AGAP1: variants seen among roughly 807,000 people sequenced by gnomAD.
AGAP1 encodes the protein ArfGAP with GTPase domain, ankyrin repeat and PH domain 1, also known as arf-GAP with GTPase, ANK repeat and PH domain-containing protein 1.
In AGAP1, 29 loss-of-function variants were observed where a neutral mutation model predicts 105.3. That is an observed-to-expected ratio of 0.28 (90% CI 0.21 to 0.38). The LOEUF is 0.38. Ranked by LOEUF, AGAP1 falls within the 10% of genes least tolerant of loss-of-function variation. The probability of loss-of-function intolerance (pLI) is 1.00; values close to 1 mark genes in which losing one functional copy is unlikely to be tolerated. For missense variants in AGAP1, 998 were observed against 1,165.1 expected, an observed-to-expected ratio of 0.86 and a Z score of 2.09; for synonymous variants, 509 against 485.9, an observed-to-expected ratio of 1.05 and a Z score of -0.63.
chr2:236,125,155 C>A lies in AGAP1; in HGVS notation c.*1033C>A. On this transcript the variant is annotated 3_prime_UTR_variant, in exon 18 of 18. Transcript: ENST00000304032. This position sits in a 1 kb window ranked among gnomAD's most constrained non-coding sequence, Gnocchi z 5.2. ...CCGAGGTGGATGTGTTAGTCTCAGG[C>A]CCTCCTGGACCACGTTGCCCAAGTC... is the stretch of plus-strand genomic sequence containing the variant. 6.2e-6 allele frequency: 1 copy of A among 161,828 alleles called. No individual in the cohort carries two copies. 10.0% of individuals were successfully genotyped at this position (161,828 alleles called of 1,614,324 possible).
chr2:235,516,595 G>A (rs773283502), intron 1 of AGAP1, among the ~76,000 whole-genome samples: 4 of 152,150 alleles, frequency 2.6e-5, no homozygotes, highest in Non-Finnish European at 5.9e-5. Context: ...CATGCCGCCC[G>A]TATTCCTGGC....
At position 235,901,133 on chromosome 2, in the gene AGAP1, TATTA is replaced by T. The variant is rs1404060588; in HGVS notation, c.1156-7604_1156-7601del. On this transcript the variant is annotated intron_variant, in intron 10 of 17. Transcript: ENST00000304032. This position sits in a 1 kb window ranked among gnomAD's most constrained non-coding sequence, Gnocchi z 4.3. ...TGTGACTACGTACAAGGCCATTGTT[TATTA>T]TTCATAAATGTGGGATGTGAACGTT... Among the ~76,000 whole-genome samples the T allele has an allele frequency of 5.9e-5, 9 of 152,378 alleles. No homozygotes were observed. The highest frequency in any genetic ancestry group is 2.9e-5 in the Non-Finnish European group (2 of 68,036).
At chr2:235,816,840 G>A (rs1469835798) in intron 9 of AGAP1, among the ~76,000 whole-genome samples, 6 of 151,684 alleles carry the variant, frequency 4.0e-5, no homozygotes, top group African/African-American at 7.3e-5. Flanking sequence ...GCAGTGAGCC[G>A]AGATCATGCT....
In AGAP1 at chr2:235,992,163, G is replaced by A. The variant is rs564447582; in HGVS notation, c.1645+23540G>A. 6.6e-6 allele frequency among the ~76,000 whole-genome samples: 1 copy of A among 152,212 alleles called. No homozygotes were observed. Among genetic ancestry groups the A allele is most frequent in the Admixed American group, 6.5e-5 (1 of 15,302 alleles). The stretch of plus-strand genomic sequence containing the variant: ...GCGCAGCGGAGGAGCCTGTCTTCCT[G>A]GGTCCGAGTTGCGTGGTTAGGAGCG... On this transcript the variant is annotated intron_variant, in intron 13 of 17. Coordinates refer to ENST00000304032, the MANE Select transcript of AGAP1 (RefSeq NM_001037131.3). The surrounding 1 kb of genome is among the most constrained non-coding windows in gnomAD (Gnocchi z 4.8).
intron 5 of AGAP1, among the ~76,000 whole-genome samples, chr2:235,749,036 C>T (rs569695677): frequency 2.3e-4 from 35 of 152,108 alleles, no homozygotes; most frequent in Non-Finnish European, 4.3e-4. Flanking sequence ...GGTGAAACCC[C>T]GTGTCGACTA....
chr2:236,043,146 C>T (rs1020568016), intron 15 of AGAP1, among the ~76,000 whole-genome samples: 3 of 152,152 alleles, frequency 2.0e-5, no homozygotes, highest in African/African-American at 4.8e-5. Flanking sequence ...GTTAAAGTAC[C>T]GGGATAGGTA....
intron 1 of AGAP1, among the ~76,000 whole-genome samples, chr2:235,598,308 A>T (rs1020284437): frequency 6.6e-6 from 1 of 152,190 alleles, no homozygotes; most frequent in Non-Finnish European, 1.5e-5. Context: ...CTGAACTGGA[A>T]TAATTGGGTA....
intron 14 of AGAP1, among the ~76,000 whole-genome samples, chr2:236,037,083 T>G (rs2057405231): frequency 6.6e-6 from 1 of 152,162 alleles, no homozygotes; most frequent in Non-Finnish European, 1.5e-5. Context: ...ACTGTTCAAG[T>G]AAATGCCCAG....
At position 235,716,230 on chromosome 2, in the gene AGAP1, C is replaced by T. The variant is rs1951097831; in HGVS notation, c.223-1327C>T. ...ATCAGCTGGAGATGTGAGGATGGAG[C>T]CCTGGCGAGTCCCAGTATGTCCCTG... On this transcript the variant is annotated intron_variant, in intron 2 of 17. Coordinates refer to ENST00000304032, the MANE Select transcript of AGAP1 (RefSeq NM_001037131.3). This position sits in a 1 kb window ranked among gnomAD's most constrained non-coding sequence, Gnocchi z 4.0. Among the ~76,000 whole-genome samples, 1 of 152,098 alleles carries T rather than the reference C, an allele frequency of 6.6e-6. No homozygotes were observed. The highest frequency in any genetic ancestry group is 2.4e-5 in the African/African-American group (1 of 41,432).
intron 5 of AGAP1, among the ~76,000 whole-genome samples, chr2:235,745,332 A>C (rs889488527): frequency 2.6e-5 from 4 of 152,158 alleles, no homozygotes; most frequent in African/African-American, 9.7e-5. Context: ...TCTTATTTTT[A>C]ATCTGACAGG....
At chr2:235,677,888 C>A (rs1476460220) in intron 1 of AGAP1, among the ~76,000 whole-genome samples, 2 of 100,700 alleles carry the variant, frequency 2.0e-5, no homozygotes, top group African/African-American at 8.3e-5. Context: ...TGCCTTTCTG[C>A]CCCCATTAGC....
At chr2:235,796,845 A>G (rs1164814684) in intron 6 of AGAP1, among the ~76,000 whole-genome samples, 3 of 152,228 alleles carry the variant, frequency 2.0e-5, no homozygotes, top group Admixed American at 2.0e-4. Flanking sequence ...ACACACATCT[A>G]TTCAAATCAA....
At chr2:235,567,613 C>T (rs2149153176) in intron 1 of AGAP1, among the ~76,000 whole-genome samples, 1 of 152,314 alleles carries the variant, frequency 6.6e-6, no homozygotes, top group Admixed American at 6.5e-5. Context: ...GGTGTGTTTT[C>T]AACCTGCTTC....
chr2:235,572,973 TTTTTTCTTC>T (rs1195645829), intron 1 of AGAP1, among the ~76,000 whole-genome samples: 2 of 136,944 alleles, frequency 1.5e-5, no homozygotes, highest in Non-Finnish European at 3.0e-5. Flanking sequence ...TTGCTCCATC[TTTTTTCTTC>T]TTCTTCTTCT....
At position 236,029,817 on chromosome 2, in the gene AGAP1, C is replaced by G. The variant is rs182897578; in HGVS notation, c.1646-6744C>G. ...ACATTGGTGTGGTCACAGCTCACTGCAGCCTCCATCTCCCAGGCTCAAGTG... is the reference window on the plus strand; with the variant it reads ...ACATTGGTGTGGTCACAGCTCACTGGAGCCTCCATCTCCCAGGCTCAAGTG... On this transcript the variant is annotated intron_variant, in intron 13 of 17. Transcript: ENST00000304032. Among the ~76,000 whole-genome samples the G allele has an allele frequency of 8.0e-3, 1,218 of 152,222 alleles. 8 individuals are homozygous for G. Among genetic ancestry groups the G allele is most frequent in the Middle Eastern group, 0.051 (15 of 294 alleles).
At chr2:235,778,482 C>T (rs373527454) in intron 6 of AGAP1, among the ~76,000 whole-genome samples, 1 of 152,174 alleles carries the variant, frequency 6.6e-6, no homozygotes, top group African/African-American at 2.4e-5. Flanking sequence ...GCTTCCTGCT[C>T]CGTGCTCTTC....
Position 235,635,345 on chromosome 2 carries a change from AG to A in AGAP1, c.164-73833del, listed in dbSNP as rs1218704991. Among the ~76,000 whole-genome samples the A allele has an allele frequency of 6.6e-6, 1 of 152,150 alleles. No individual in the cohort carries two copies. Among genetic ancestry groups the A allele is most frequent in the Non-Finnish European group, 1.5e-5 (1 of 68,028 alleles). Reference sequence around the variant, plus strand: ...GAGCTGCGCACAGTCTCCTTGTACAAGCAGGACATTTCTCCGTTTCTCCTTT... The same window carrying A: ...GAGCTGCGCACAGTCTCCTTGTACAACAGGACATTTCTCCGTTTCTCCTTT... On this transcript the variant is annotated intron_variant, in intron 1 of 17. Coordinates refer to ENST00000304032, the MANE Select transcript of AGAP1 (RefSeq NM_001037131.3). This position sits in a 1 kb window ranked among gnomAD's most constrained non-coding sequence, Gnocchi z 5.3.
chr2:235,697,204 C>T (rs1046472035), intron 1 of AGAP1, among the ~76,000 whole-genome samples: 2 of 152,134 alleles, frequency 1.3e-5, no homozygotes, highest in Admixed American at 6.5e-5. Flanking sequence ...GGAGGCAGCC[C>T]TCCCATTTCA....
chr2:235,548,868 C>T (rs764397298), intron 1 of AGAP1, among the ~76,000 whole-genome samples: 5 of 152,132 alleles, frequency 3.3e-5, no homozygotes, highest in Non-Finnish European at 5.9e-5. Context: ...GCCACTGCCC[C>T]GTTTTTGAAC....
Sources: gnomAD v4.1 joint callset for allele counts (sites outside exome capture counted in the v4.1 genomes callset) on GRCh38, gnomAD v4.1.1 for gene constraint, Gnocchi (gnomAD v3.1) non-coding constraint, MANE v1.5 for transcripts, NCBI Gene and HGNC (gene_info 2026-07-23, HGNC 2026-07-21) for gene names.